The following IQSEC1 variants were observed in gnomAD, a reference collection of about 807,000 sequenced individuals.
IQSEC1 encodes the protein IQ motif and SEC7 domain-containing protein 1.
IQSEC1 carries 31 observed loss-of-function variants against 91.0 expected under a neutral mutation model. That is an observed-to-expected ratio of 0.34 (90% CI 0.26 to 0.46). IQSEC1 has a LOEUF of 0.46. IQSEC1 is among the 20% of genes least tolerant of loss of function. IQSEC1 has a pLI of 1.00. For missense variants in IQSEC1, 1,388 were observed against 1,575.6 expected (o/e 0.88, Z 2.02); for synonymous variants, 699 against 662.6 (o/e 1.05, Z -0.84).
At chr3:13,039,753 C>G (rs1704181863) in intron 1 of IQSEC1, among the ~76,000 whole-genome samples, 1 of 152,224 alleles carries the variant, frequency 6.6e-6, no homozygotes, top group African/African-American at 2.4e-5. Flanking sequence ...TCTTGCCCAC[C>G]TGGCTGATGC....
At chr3:13,223,822 G>A (rs73134174) in intron 1 of IQSEC1, among the ~76,000 whole-genome samples, 1 of 152,178 alleles carries the variant, frequency 6.6e-6, no homozygotes, top group East Asian at 1.9e-4. Context: ...CAGACTCAGA[G>A]AGAGGAGGGA....
intron 13 of IQSEC1, 125 bp from the exon 14 acceptor site, chr3:12,901,647 C>A (rs1307914306): frequency 1.2e-6 from 1 of 816,076 alleles, no homozygotes; most frequent in Non-Finnish European, 1.9e-6. Context: ...ACTCACTGGC[C>A]AGAGGGTGGG....
rs369951402 is a variant in IQSEC1 at position 12,966,165 on chromosome 3, G to A, written c.24-24300C>T. 2.6e-5 allele frequency among the ~76,000 whole-genome samples: 4 copies of A among 152,198 alleles called. No individual in the cohort carries two copies. In the East Asian group the frequency reaches 5.8e-4, roughly 22 times the overall value. On this transcript the variant is annotated intron_variant, in intron 1 of 13. Transcript: ENST00000613206. ...AGACTGCTGCCACTGATTCCAGACA[G>A]ATGGTCTTGCAGCTGCAGCATGCCT...
At chr3:13,020,309 C>T (rs1006291785) in intron 1 of IQSEC1, among the ~76,000 whole-genome samples, 8 of 152,158 alleles carry the variant, frequency 5.3e-5, no homozygotes, top group Admixed American at 4.6e-4. Flanking sequence ...CTGAGCTCTG[C>T]CTCTCTCCTT....
chr3:12,911,504 G>T, intron 10 of IQSEC1, 125 bp downstream of exon 10: 1 of 729,054 alleles, frequency 1.4e-6, no homozygotes, highest in Non-Finnish European at 2.4e-6. Flanking sequence ...GCTGCAATCT[G>T]CTCTCTGGGG....
chr3:12,905,566 A>C (rs1694883479), intron 12 of IQSEC1, among the ~76,000 whole-genome samples: 1 of 152,260 alleles, frequency 6.6e-6, no homozygotes. Context: ...GGATGAGCTC[A>C]GGCTGTCTGA....
intron 1 of IQSEC1, among the ~76,000 whole-genome samples, chr3:13,274,242 C>T (rs748574572): frequency 3.9e-5 from 6 of 152,208 alleles, no homozygotes; most frequent in Non-Finnish European, 8.8e-5. Context: ...CCACCAGACA[C>T]GTGCTAAGGA....
At chr3:13,255,554 G>A (rs2125122262) in intron 1 of IQSEC1, among the ~76,000 whole-genome samples, 1 of 152,244 alleles carries the variant, frequency 6.6e-6, no homozygotes, top group African/African-American at 2.4e-5. Context: ...CAGACAGCAA[G>A]AGGATCCAAC....
chr3:13,080,949 C>T (rs1016964187), intron 2 of IQSEC1, among the ~76,000 whole-genome samples: 9 of 152,214 alleles, frequency 5.9e-5, no homozygotes, highest in Admixed American at 5.2e-4. Context: ...TTTATAACAA[C>T]AATAAACAAG....
chr3:12,941,920 C>A, intron 1 of IQSEC1, 55 bp from the exon 2 acceptor site: 1 of 1,480,202 alleles, frequency 6.8e-7, no homozygotes, highest in Non-Finnish European at 9.1e-7. Context: ...CTGAACACGA[C>A]ACCGGGCCGT....
At chr3:13,024,941 G>A (rs1419587656) in intron 1 of IQSEC1, among the ~76,000 whole-genome samples, 1 of 152,204 alleles carries the variant, frequency 6.6e-6, no homozygotes, top group Admixed American at 6.5e-5. Flanking sequence ...TGCCCTCCAG[G>A]CTGTGATGAG....
chr3:13,104,476 T>C (rs1198472853), intron 2 of IQSEC1, among the ~76,000 whole-genome samples: 3 of 152,186 alleles, frequency 2.0e-5, no homozygotes, highest in Admixed American at 6.5e-5. Flanking sequence ...ACAGCCATGA[T>C]GTTGTTATTC....
At chr3:13,084,701 T>C (rs1286354199) in intron 2 of IQSEC1, among the ~76,000 whole-genome samples, 1 of 152,146 alleles carries the variant, frequency 6.6e-6, no homozygotes, top group Non-Finnish European at 1.5e-5. Context: ...GGGCCCAGCT[T>C]CAGGCTCTGA....
intron 1 of IQSEC1, among the ~76,000 whole-genome samples, chr3:13,268,382 A>G (rs1695533023): frequency 6.6e-6 from 1 of 152,260 alleles, no homozygotes; most frequent in Non-Finnish European, 1.5e-5. Flanking sequence ...CAGGTGCTTA[A>G]TACATACTTA....
chr3:12,934,052 G>A (rs761914668), intron 3 of IQSEC1, among the ~76,000 whole-genome samples: 8 of 152,164 alleles, frequency 5.3e-5, no homozygotes, highest in Non-Finnish European at 7.3e-5. Context: ...CCTGGAGCTC[G>A]GCTGTGCCCA....
chr3:13,022,230 G>A (rs1703433821), intron 1 of IQSEC1: 1 of 1,228,158 alleles, frequency 8.1e-7, no homozygotes, highest in African/African-American at 1.6e-5. Flanking sequence ...ATGGTAGGAA[G>A]AAGAAAGAAA....
chr3:12,996,714 C>A (rs920171797), intron 1 of IQSEC1, among the ~76,000 whole-genome samples: 2 of 151,858 alleles, frequency 1.3e-5, no homozygotes, highest in African/African-American at 4.8e-5. Context: ...TCTTTCAAAT[C>A]GATAGGAAAA....
chr3:13,003,975 G>A (rs1173861584), intron 1 of IQSEC1, among the ~76,000 whole-genome samples: 2 of 152,232 alleles, frequency 1.3e-5, no homozygotes, highest in Admixed American at 6.5e-5. Context: ...TATTAGTGAT[G>A]AGTCTGGGTG....
At chr3:13,032,118 C>T (rs934603206) in intron 1 of IQSEC1, among the ~76,000 whole-genome samples, 5 of 152,144 alleles carry the variant, frequency 3.3e-5, no homozygotes, top group African/African-American at 1.2e-4. Flanking sequence ...CACACTTTCC[C>T]CCTGTAATTG....
Sources: allele counts gnomAD v4.1 joint callset (sites outside exome capture counted in the v4.1 genomes callset), GRCh38; gene constraint gnomAD v4.1.1; transcripts MANE v1.5; gene names NCBI Gene and HGNC (gene_info 2026-07-23, HGNC 2026-07-21).